Variants in SORBS2 observed in about 807,000 individuals in gnomAD.
SORBS2 encodes the protein sorbin and SH3 domain-containing protein 2.
A neutral mutation model predicts 97.7 loss-of-function variants in SORBS2; 46 were observed. The observed-to-expected ratio is 0.47, with a 90% confidence interval of 0.37 to 0.60. SORBS2 has a LOEUF of 0.60. SORBS2 is among the 20% of genes least tolerant of loss of function. SORBS2 has a pLI of 0.00. For synonymous variants in SORBS2, 476 were observed against 473.4 expected (o/e 1.01, Z -0.07); for missense variants, 1,316 against 1,282.3 (o/e 1.03, Z -0.40).
At chr4:185,810,037 T>C (rs2153666239) in intron 1 of SORBS2, among the ~76,000 whole-genome samples, 1 of 152,364 alleles carries the variant, frequency 6.6e-6, no homozygotes, top group Middle Eastern at 3.4e-3. Context: ...ACTTAGCTGA[T>C]ATTTTTGCTC....
In SORBS2 at chr4:185,760,768, C is replaced by T. The variant is rs543712893; in HGVS notation, c.-198+14459G>A. ...AAAAGTGTGCAGTGCATTAAAAACA[C>T]ATTTCCTTCTCATTAGTTGCATGAG... On this transcript the variant is annotated intron_variant, in intron 2 of 20. Coordinates refer to the SORBS2 transcript ENST00000284776. Among the ~76,000 whole-genome samples the T allele has an allele frequency of 2.6e-5, 4 of 152,318 alleles. No individual in the cohort carries two copies. In the South Asian group the frequency reaches 8.3e-4, roughly 32 times the overall value.
At chr4:185,652,825 AGTCCC>A in intron 1 of SORBS2, 97 bp from the exon 10 acceptor site, 5 of 903,174 alleles carry the variant, frequency 5.5e-6, no homozygotes, top group Non-Finnish European at 9.2e-6. Flanking sequence ...TTAATAACAG[AGTCCC>A]ATTCTGTGAT....
intron 2 of SORBS2, among the ~76,000 whole-genome samples, chr4:185,736,156 T>C (rs2098686472): frequency 6.6e-6 from 1 of 152,196 alleles, no homozygotes; most frequent in Admixed American, 6.5e-5. Context: ...CCCACAGAGT[T>C]TGCCTTGTCA....
chr4:185,590,181 T>C (rs1387978449), intron 13 of SORBS2, among the ~76,000 whole-genome samples: 2 of 152,256 alleles, frequency 1.3e-5, no homozygotes, highest in African/African-American at 4.8e-5. Context: ...GATATTTGTA[T>C]TATTTAACTG....
intron 1 of SORBS2, among the ~76,000 whole-genome samples, chr4:185,858,544 G>T (rs1425823726): frequency 6.6e-6 from 1 of 152,136 alleles, no homozygotes; most frequent in Admixed American, 6.6e-5. Flanking sequence ...ATTTCAGATT[G>T]CCATTTGCCA....
chr4:185,888,983 A>G (rs2099241097), intron 1 of SORBS2, among the ~76,000 whole-genome samples: 1 of 152,032 alleles, frequency 6.6e-6, no homozygotes, highest in South Asian at 2.1e-4. Context: ...CCCAGCACAC[A>G]CTCCAGCAGG....
At chr4:185,827,189 T>TTGC (rs2099200825) in intron 1 of SORBS2, among the ~76,000 whole-genome samples, 1 of 14,692 alleles carries the variant, frequency 6.8e-5, no homozygotes, top group Non-Finnish European at 1.4e-4. Flanking sequence ...AGAATCACCA[T>TTGC]CATCATCATC....
intron 2 of SORBS2, among the ~76,000 whole-genome samples, chr4:185,734,867 C>T (rs1376057807): frequency 1.3e-5 from 2 of 152,214 alleles, no homozygotes; most frequent in African/African-American, 4.8e-5. Flanking sequence ...CATCCTTGAT[C>T]ATTACACCAG....
intron 1 of SORBS2, among the ~76,000 whole-genome samples, chr4:185,917,980 A>C (rs1358348911): frequency 6.6e-6 from 1 of 152,212 alleles, no homozygotes; most frequent in Non-Finnish European, 1.5e-5. Flanking sequence ...TGGCAGACAA[A>C]ATAAAATTCT....
chr4:185,629,691 T>C (rs761125062), intron 5 of SORBS2, among the ~76,000 whole-genome samples: 9 of 151,036 alleles, frequency 6.0e-5, no homozygotes, highest in African/African-American at 1.7e-4. Flanking sequence ...GCCTCCTGAA[T>C]AGCTGTGACT....
At chr4:185,890,965 C>A (rs72709740) in intron 1 of SORBS2, among the ~76,000 whole-genome samples, 1 of 17,184 alleles carries the variant, frequency 5.8e-5, no homozygotes, top group Non-Finnish European at 1.0e-4. Flanking sequence ...AATGAATGAA[C>A]GAATGAATGA....
At chr4:185,719,355 T>A (rs1009205463) in intron 2 of SORBS2, among the ~76,000 whole-genome samples, 2 of 152,238 alleles carry the variant, frequency 1.3e-5, no homozygotes, top group Non-Finnish European at 2.9e-5. Context: ...CAATTAATTA[T>A]TAAATGTGCT....
At chr4:185,950,944 C>G (rs1035330139) in intron 1 of SORBS2, among the ~76,000 whole-genome samples, 13 of 152,144 alleles carry the variant, frequency 8.5e-5, no homozygotes, top group African/African-American at 3.1e-4. Flanking sequence ...AGTATTTCCC[C>G]TGTGCTGCTG....
At chr4:185,680,610 A>AT (rs983691562) in intron 2 of SORBS2, among the ~76,000 whole-genome samples, 3 of 152,060 alleles carry the variant, frequency 2.0e-5, no homozygotes, top group Non-Finnish European at 2.9e-5. Context: ...TTATATTCTG[A>AT]TTTTTTTCTT....
intron 1 of SORBS2, among the ~76,000 whole-genome samples, chr4:185,786,715 A>T (rs923678118): frequency 3.9e-5 from 6 of 152,174 alleles, no homozygotes; most frequent in Non-Finnish European, 8.8e-5. Context: ...TAATCCCAGC[A>T]TTTTGGGAGG....
At chr4:185,891,845 G>GT (rs2099242705) in intron 1 of SORBS2, among the ~76,000 whole-genome samples, 1 of 151,920 alleles carries the variant, frequency 6.6e-6, no homozygotes, top group Admixed American at 6.6e-5. Context: ...TAACTTTTTT[G>GT]TTTTTTTGAG....
chr4:185,737,793 A>G (rs564560249), intron 2 of SORBS2, among the ~76,000 whole-genome samples: 1 of 152,314 alleles, frequency 6.6e-6, no homozygotes, highest in East Asian at 1.9e-4. Context: ...CCTCATGTTG[A>G]GTTCTGAGGT....
At chr4:185,886,310 C>T (rs1181659011) in intron 1 of SORBS2, among the ~76,000 whole-genome samples, 2 of 152,062 alleles carry the variant, frequency 1.3e-5, no homozygotes, top group Non-Finnish European at 2.9e-5. Flanking sequence ...AATCCCAGCA[C>T]TTCAGGAGGC....
chr4:185,817,973 ACGGT>A (rs1265185410), intron 1 of SORBS2, among the ~76,000 whole-genome samples: 1 of 152,210 alleles, frequency 6.6e-6, no homozygotes, highest in African/African-American at 2.4e-5. Flanking sequence ...TTAGGATCCA[ACGGT>A]CCAACAACAA....
Sources: gnomAD v4.1 joint callset for allele counts (sites outside exome capture counted in the v4.1 genomes callset) on GRCh38, gnomAD v4.1.1 for gene constraint, MANE v1.5 for transcripts, NCBI Gene and HGNC (gene_info 2026-07-23, HGNC 2026-07-21) for gene names.